AP1B1: variants seen among roughly 807,000 people sequenced by gnomAD.
AP1B1 encodes the protein adaptor related protein complex 1 subunit beta 1.
Under a neutral mutation model 104.3 loss-of-function variants are expected in AP1B1, and 36 were observed. The ratio of observed to expected loss-of-function variants is 0.35; its 90% CI spans 0.26 to 0.46. AP1B1 has a LOEUF of 0.46. Among genes scored for constraint, AP1B1 ranks in the 20% least tolerant of loss-of-function variants. The pLI is 1.00. For synonymous variants in AP1B1, 504 were observed against 517.5 expected (o/e 0.97, Z 0.35); for missense variants, 901 against 1,247.9 (o/e 0.72, Z 4.19).
Position 29,342,399 on chromosome 22 carries a change from G to C in AP1B1, c.1438-16C>G. 6.2e-7 allele frequency: 1 copy of C among 1,607,844 alleles called. No homozygotes were observed. The highest frequency in any genetic ancestry group is 8.5e-7 in the Non-Finnish European group (1 of 1,174,766). On this transcript the variant is annotated splice_polypyrimidine_tract_variant and intron_variant, in intron 11 of 22. Transcript: ENST00000357586. ...GCAGCTGGACCTGCAGGGAACAGCG[G>C]TGACGAGGAGGAAGTGTGGGCCTCA...
intron 10 of AP1B1, among the ~76,000 whole-genome samples, 159 bp downstream of exon 10, chr22:29,349,875 AG>A (rs1227662673): frequency 8.5e-5 from 13 of 152,144 alleles, no homozygotes; most frequent in Admixed American, 7.9e-4. Context: ...GGAGTAGAGG[AG>A]GGGCAGTGTG....
intron 16 of AP1B1, 87 bp downstream of exon 16, chr22:29,338,903 C>G: frequency 3.9e-6 from 6 of 1,557,332 alleles, no homozygotes; most frequent in Non-Finnish European, 4.4e-6. Flanking sequence ...TGAGCCAATT[C>G]CACAGCCGAG....
At chr22:29,352,132 C>T (rs2061885732) in intron 7 of AP1B1, among the ~76,000 whole-genome samples, 1 of 152,196 alleles carries the variant, frequency 6.6e-6, no homozygotes, top group Non-Finnish European at 1.5e-5. Flanking sequence ...AGACATATCT[C>T]AGTCCCAGTC....
chr22:29,340,058 C>T lies in AP1B1; in HGVS notation c.1999-284G>A, dbSNP rs537492981. Among the ~76,000 whole-genome samples the T allele has an allele frequency of 4.6e-5, 7 of 152,120 alleles. No homozygotes were observed. In the East Asian group the frequency reaches 5.8e-4, roughly 13 times the overall value. ...CAGTGTCCTGCCCCCGTGCTGCCAC[C>T]GTGCGGACCTGAGCCGAGCACAGCC... On this transcript the variant is annotated intron_variant, in intron 14 of 22. Transcript: ENST00000357586.
At chr22:29,353,270 G>A (rs1009986674) in intron 7 of AP1B1, among the ~76,000 whole-genome samples, 1 of 152,178 alleles carries the variant, frequency 6.6e-6, no homozygotes, top group Non-Finnish European at 1.5e-5. Flanking sequence ...GCACACTGCG[G>A]GGAGGTCCTG....
intron 1 of AP1B1, among the ~76,000 whole-genome samples, chr22:29,383,765 T>G (rs1166936723): frequency 6.7e-6 from 1 of 149,318 alleles, no homozygotes; most frequent in African/African-American, 2.5e-5. Context: ...GTCCACAGGG[T>G]AGACTGTGGT....
chr22:29,380,751 A>G (rs1395530283), intron 1 of AP1B1, among the ~76,000 whole-genome samples: 3 of 152,182 alleles, frequency 2.0e-5, no homozygotes, highest in Non-Finnish European at 4.4e-5. Flanking sequence ...TTCCATTTAG[A>G]GTGCTAACAA....
At chr22:29,366,339 G>A (rs1001656502) in intron 2 of AP1B1, among the ~76,000 whole-genome samples, 8 of 152,230 alleles carry the variant, frequency 5.3e-5, no homozygotes, top group East Asian at 1.9e-4. Flanking sequence ...GGATTAAAAC[G>A]ATGAAAATAC....
At chr22:29,380,871 TTCTC>T (rs2062425630) in intron 1 of AP1B1, among the ~76,000 whole-genome samples, 1 of 152,170 alleles carries the variant, frequency 6.6e-6, no homozygotes, top group Non-Finnish European at 1.5e-5. Context: ...CTTCCAACGG[TTCTC>T]TGTCTTACTC....
At position 29,359,950 on chromosome 22, in the gene AP1B1, G is replaced by A. The variant is rs765667490; in HGVS notation, c.153C>T (p.Phe51=). Residue 51 remains phenylalanine (F), a synonymous_variant, in exon 4 of 23, where the codon TTC becomes TTT. Coordinates refer to ENST00000357586, the MANE Select transcript of AP1B1 (RefSeq NM_001127.4). ...MTVGKDVSAL[F]PDVVNCMQTD... The stretch of plus-strand genomic sequence containing the variant: ...TCTGCATGCAGTTGACCACATCGGG[G>A]AAGAGGGCACTGGAAGGTCAAAATG... 46 of 1,612,990 alleles carry A rather than the reference G, an allele frequency of 2.9e-5. No homozygotes were observed. The East Asian group carries it at 9.6e-4, about 34-fold the overall frequency.
chr22:29,355,193 C>T (rs576428210), intron 6 of AP1B1, among the ~76,000 whole-genome samples: 1 of 151,744 alleles, frequency 6.6e-6, no homozygotes, highest in South Asian at 2.1e-4. Context: ...GCCGAGATCG[C>T]GCCATTGCAC....
rs568074310 is a variant in AP1B1 at position 29,374,200 on chromosome 22, TA to T, written c.-27-6931del. On this transcript the variant is annotated intron_variant, in intron 1 of 22. Coordinates refer to ENST00000357586, the MANE Select transcript of AP1B1 (RefSeq NM_001127.4). ...CTGGGCAACAGAGCAAGACTCTGTCTAAAAAAAAATTTTGTTTTTAAAAAAA... is the reference window on the plus strand; with the variant it reads ...CTGGGCAACAGAGCAAGACTCTGTCTAAAAAAAATTTTGTTTTTAAAAAAA... 4.0e-3 allele frequency among the ~76,000 whole-genome samples: 607 copies of T among 151,672 alleles called. 4 individuals carry two copies. The highest frequency in any genetic ancestry group is 6.5e-3 in the Non-Finnish European group (442 of 67,886).
At chr22:29,334,605 C>T (rs1402186899) in intron 16 of AP1B1, among the ~76,000 whole-genome samples, 195 bp from the exon 17 acceptor site, 7 of 152,322 alleles carry the variant, frequency 4.6e-5, no homozygotes, top group African/African-American at 7.2e-5. Context: ...CTAGGGCCAC[C>T]GCCATGACAG....
Position 29,352,442 on chromosome 22 carries a change from C to T in AP1B1, c.939-617G>A, listed in dbSNP as rs757148199. On this transcript the variant is annotated intron_variant, in intron 7 of 22. Transcript: ENST00000357586. ...GAAGTCTCAAATAGGCTTTCCTGGG[C>T]AGAAACATTACATACATGTTGCTGC... 3.3e-5 allele frequency among the ~76,000 whole-genome samples: 5 copies of T among 152,282 alleles called. No homozygotes were observed. The East Asian group carries it at 7.7e-4, about 24-fold the overall frequency.
At chr22:29,387,931 T>C (rs780285839) in intron 1 of AP1B1, among the ~76,000 whole-genome samples, 3 of 152,206 alleles carry the variant, frequency 2.0e-5, no homozygotes, top group Non-Finnish European at 4.4e-5. Flanking sequence ...GGTGTCTCCA[T>C]TCAGTTAACT....
At chr22:29,347,183 G>A (rs1463390762) in intron 11 of AP1B1, among the ~76,000 whole-genome samples, 4 of 152,162 alleles carry the variant, frequency 2.6e-5, no homozygotes, top group Non-Finnish European at 5.9e-5. Flanking sequence ...AGCACCCTCA[G>A]CCAGGAGTCC....
Position 29,350,028 on chromosome 22 carries a change from C to T in AP1B1, c.1271+7G>A, listed in dbSNP as rs756439053. 2 of 1,611,458 alleles carry T rather than the reference C, an allele frequency of 1.2e-6. No individual in the cohort carries two copies. The highest frequency in any genetic ancestry group is 3.3e-5 in the Admixed American group (2 of 60,008). On this transcript the variant is annotated splice_region_variant and intron_variant, in intron 10 of 22. Coordinates refer to ENST00000357586, the MANE Select transcript of AP1B1 (RefSeq NM_001127.4). ...GATGCCCTCTCCCTAGGAGGGCGGG[C>T]ACGCACTTGTTGGGGTACTTGCGGA... is the stretch of plus-strand genomic sequence containing the variant.
intron 11 of AP1B1, 140 bp downstream of exon 11, chr22:29,349,078 G>A (rs747614712): frequency 1.9e-5 from 18 of 955,976 alleles, no homozygotes; most frequent in Middle Eastern, 3.3e-4. Context: ...AAGGGGCGGT[G>A]TCCATTACGC....
intron 5 of AP1B1, 39 bp from the exon 6 acceptor site, chr22:29,356,655 T>C (rs1204811598): frequency 6.3e-7 from 1 of 1,590,858 alleles, no homozygotes; most frequent in Admixed American, 1.7e-5. Flanking sequence ...CTGGGGGTGC[T>C]GCTCACAGGC....
Sources: gnomAD v4.1 joint callset for allele counts (sites outside exome capture counted in the v4.1 genomes callset) on GRCh38, gnomAD v4.1.1 for gene constraint, MANE v1.5 for transcripts, NCBI Gene and HGNC (gene_info 2026-07-23, HGNC 2026-07-21) for gene names.